The following CASZ1 variants were observed in gnomAD, a reference collection of about 807,000 sequenced individuals.
CASZ1 encodes zinc finger protein castor homolog 1.
A neutral mutation model predicts 135.2 loss-of-function variants in CASZ1; 28 were observed. The observed-to-expected ratio is 0.21, with a 90% CI of 0.15 to 0.28. The LOEUF is 0.28. CASZ1 is among the 10% of genes least tolerant of loss of function. CASZ1 has a pLI of 1.00. For synonymous variants in CASZ1, 1,068 were observed against 1,073.4 expected (o/e 0.99, Z 0.10); for missense variants, 2,161 against 2,453.3 (o/e 0.88, Z 2.52).
At chr1:10,667,222 A>G (rs1331135531) in intron 4 of CASZ1, among the ~76,000 whole-genome samples, 1 of 152,226 alleles carries the variant, frequency 6.6e-6, no homozygotes, top group Non-Finnish European at 1.5e-5. Context: ...TGATAGACAC[A>G]GTGCCTGGCC....
rs1273874720 is a variant in CASZ1, at chr1:10,762,873, A to G, written c.-233-2016T>C. ...CCTTGGCTCAGAGGAGGTTCCAGCTATGGAAGGAAAGGGGGCTCCAGGCCC... is the reference window on the plus strand; with the variant it reads ...CCTTGGCTCAGAGGAGGTTCCAGCTGTGGAAGGAAAGGGGGCTCCAGGCCC... On this transcript the variant is annotated intron_variant, in intron 1 of 20. Transcript: ENST00000377022. The surrounding 1 kb of genome is among the most constrained non-coding windows in gnomAD (Gnocchi z 4.1). Among the ~76,000 whole-genome samples, 2 of 152,172 alleles carry G rather than the reference A, an allele frequency of 1.3e-5. No individual in the cohort carries two copies. The highest frequency in any genetic ancestry group is 2.9e-5 in the Non-Finnish European group (2 of 68,028).
chr1:10,768,959 G>T (rs974571415), intron 1 of CASZ1, among the ~76,000 whole-genome samples: 4 of 152,142 alleles, frequency 2.6e-5, no homozygotes, highest in African/African-American at 7.2e-5. Flanking sequence ...TGTCCAACAT[G>T]GTGAAACCCC....
At chr1:10,703,215 CCCTT>C (rs1346015928) in intron 3 of CASZ1, among the ~76,000 whole-genome samples, 14 of 152,196 alleles carry the variant, frequency 9.2e-5, no homozygotes, top group African/African-American at 3.4e-4. Context: ...CTTGCCCACT[CCCTT>C]CCAGCCTTTC....
chr1:10,778,754 C>T (rs1406886131), intron 1 of CASZ1, among the ~76,000 whole-genome samples: 1 of 152,134 alleles, frequency 6.6e-6, no homozygotes, highest in South Asian at 2.1e-4. Context: ...TGGCAGAGAG[C>T]GGCTTCTGGG....
chr1:10,739,094 G>C lies in CASZ1; in HGVS notation c.-77+21607C>G, dbSNP rs558196293. ...GTTCTTTTTTAAAATTTTGCTGGGG[G>C]TCCGGGGGAAGAAGGAAAAAAAGCA... is the stretch of plus-strand genomic sequence containing the variant. On this transcript the variant is annotated intron_variant, in intron 2 of 20. Transcript: ENST00000377022. The surrounding 1 kb of genome is among the most constrained non-coding windows in gnomAD (Gnocchi z 4.8). Among the ~76,000 whole-genome samples, 1 of 152,126 alleles carries C rather than the reference G, an allele frequency of 6.6e-6. No homozygotes were observed. Among genetic ancestry groups the C allele is most frequent in the South Asian group, 2.1e-4 (1 of 4,820 alleles).
intron 2 of CASZ1, among the ~76,000 whole-genome samples, chr1:10,749,085 C>T (rs1040915014): frequency 4.6e-5 from 7 of 152,138 alleles, no homozygotes; most frequent in Non-Finnish European, 8.8e-5. Context: ...AGAAGCAGTC[C>T]GGGGCCCTGC....
Position 10,659,737 on chromosome 1 carries a change from T to C in CASZ1, c.1305A>G (p.Thr435=). 6.2e-7 allele frequency: 1 copy of C among 1,613,936 alleles called. No homozygotes were observed. Among genetic ancestry groups the C allele is most frequent in the Non-Finnish European group, 8.5e-7 (1 of 1,179,908 alleles). Residue 435 remains threonine (T), a synonymous_variant, in exon 6 of 21, where the codon ACA becomes ACG. Coordinates refer to ENST00000377022, the MANE Select transcript of CASZ1 (RefSeq NM_001079843.3). ...PEYLKSTFSK[T]DSITTGTVST... ...AGACGGTCCCCGTGGTGATGGAGTCTGTTTTGGAGAAGGTTGACTTCAGGT... is the reference window on the plus strand; with the variant it reads ...AGACGGTCCCCGTGGTGATGGAGTCCGTTTTGGAGAAGGTTGACTTCAGGT...
At chr1:10,649,704 G>A (rs552302420) in intron 13 of CASZ1, 134 of 437,540 alleles carry the variant, frequency 3.1e-4, no homozygotes, top group Admixed American at 2.4e-3. Flanking sequence ...CACTCAAGCC[G>A]AGGCCGCGAC....
chr1:10,665,163 T>A lies in CASZ1; in HGVS notation c.425A>T (p.Asp142Val). The A allele has an allele frequency of 6.4e-7, 1 of 1,553,864 alleles. No homozygotes were observed. The highest frequency in any genetic ancestry group is 1.2e-5 in the South Asian group (1 of 81,564). The change falls in exon 5 of 21, where the codon GAC (aspartate) becomes GTC (valine). Residue 142 changes from aspartate (D) to valine (V), a missense_variant. Asp to Val is a radical substitution (Grantham distance 152, BLOSUM62 -3). Coordinates refer to ENST00000377022, the MANE Select transcript of CASZ1 (RefSeq NM_001079843.3). ...ATCCTTCTCCTCCAGGGCACCGCCG[T>A]CCTTGGAGGGCTCCTCCGCGTGGTC... Reference protein sequence around the residue: ...EEDHAEEPSKDGGALEEKDSD... With the variant: ...EEDHAEEPSKVGGALEEKDSD...
chr1:10,682,434 G>C (rs1173086181), intron 4 of CASZ1, among the ~76,000 whole-genome samples: 1 of 152,176 alleles, frequency 6.6e-6, no homozygotes. Flanking sequence ...GGCGGAATCC[G>C]GGAGGCAGGA....
chr1:10,751,231 G>A (rs11579159), intron 2 of CASZ1, among the ~76,000 whole-genome samples: 1,980 of 152,240 alleles, frequency 0.013, 18 homozygotes, highest in Non-Finnish European at 0.021. Flanking sequence ...AACCAGTGAG[G>A]ACAGGGTGAC....
chr1:10,662,249 CCACCCACCCCCACACACAG>C (rs1324062598), intron 5 of CASZ1, among the ~76,000 whole-genome samples: 88 of 130,438 alleles, frequency 6.7e-4, no homozygotes, highest in Non-Finnish European at 1.1e-3. Flanking sequence ...ACATTGACAC[CCACCCACCCCCACACACAG>C]TCACATGCTC....
At chr1:10,737,306 C>A (rs1365768667) in intron 2 of CASZ1, among the ~76,000 whole-genome samples, 1 of 152,214 alleles carries the variant, frequency 6.6e-6, no homozygotes, top group Non-Finnish European at 1.5e-5. Context: ...GCGTCCCCCT[C>A]ACCCTCGTGG....
In CASZ1 at chr1:10,726,828, G is replaced by A. The variant is rs1308661888; in HGVS notation, c.-76-21284C>T. Among the ~76,000 whole-genome samples the A allele has an allele frequency of 6.6e-6, 1 of 152,108 alleles. No homozygotes were observed. The highest frequency in any genetic ancestry group is 1.5e-5 in the Non-Finnish European group (1 of 68,014). ...GCCAGGGAGAGGCTAGCATGGGGGT[G>A]TTCAGAGGCCCAGGGGGTCTTCCCT... On this transcript the variant is annotated intron_variant, in intron 2 of 20. Coordinates refer to ENST00000377022, the MANE Select transcript of CASZ1 (RefSeq NM_001079843.3). This position sits in a 1 kb window ranked among gnomAD's most constrained non-coding sequence, Gnocchi z 5.7.
chr1:10,643,971 T>C (rs529992712), intron 18 of CASZ1, among the ~76,000 whole-genome samples: 3 of 152,268 alleles, frequency 2.0e-5, no homozygotes, highest in South Asian at 4.1e-4. Flanking sequence ...TTGACGCTTA[T>C]TGGCATGGCT....
chr1:10,792,074 G>A (rs916166567), intron 1 of CASZ1, among the ~76,000 whole-genome samples: 7 of 150,264 alleles, frequency 4.7e-5, no homozygotes, highest in East Asian at 2.0e-4. Context: ...GGTTCCTCTC[G>A]CCTCTGAGCT....
intron 3 of CASZ1, among the ~76,000 whole-genome samples, chr1:10,705,151 T>C (rs1406458328): frequency 6.6e-6 from 1 of 152,208 alleles, no homozygotes; most frequent in Non-Finnish European, 1.5e-5. Flanking sequence ...AATAGCACTG[T>C]GAGAGCGGGC....
At chr1:10,688,810 G>C (rs1025698169) in intron 4 of CASZ1, among the ~76,000 whole-genome samples, 1 of 152,148 alleles carries the variant, frequency 6.6e-6, no homozygotes, top group Non-Finnish European at 1.5e-5. Context: ...AGGTGGTCCC[G>C]GCGAGGCTGC....
At chr1:10,669,099 T>C (rs1643326475) in intron 4 of CASZ1, among the ~76,000 whole-genome samples, 1 of 152,222 alleles carries the variant, frequency 6.6e-6, no homozygotes, top group Non-Finnish European at 1.5e-5. Context: ...AAAACGGGCA[T>C]GGACTGGACC....
Sources: allele counts gnomAD v4.1 joint callset (sites outside exome capture counted in the v4.1 genomes callset), GRCh38; gene constraint gnomAD v4.1.1; non-coding constraint Gnocchi (gnomAD v3.1); transcripts MANE v1.5; gene names NCBI Gene and HGNC (gene_info 2026-07-23, HGNC 2026-07-21).